PPP1R9A: variants seen among roughly 807,000 people sequenced by gnomAD.
The protein encoded by PPP1R9A is neurabin-1.
In PPP1R9A, 59 loss-of-function variants were observed where a neutral mutation model predicts 141.9. The observed-to-expected ratio is 0.42, with a 90% CI of 0.34 to 0.52. PPP1R9A has a LOEUF of 0.52. PPP1R9A is among the 20% of genes least tolerant of loss of function. The probability of loss-of-function intolerance (pLI) is 0.10; values close to 1 mark genes in which losing one functional copy is unlikely to be tolerated. For synonymous variants in PPP1R9A, 500 were observed against 569.7 expected, an observed-to-expected ratio of 0.88 and a Z score of 1.74; for missense variants, 1,444 against 1,611.9, an observed-to-expected ratio of 0.90 and a Z score of 1.78.
intron 2 of PPP1R9A, among the ~76,000 whole-genome samples, chr7:94,914,172 T>C (rs927971597): frequency 3.3e-5 from 5 of 152,210 alleles, no homozygotes; most frequent in Admixed American, 1.3e-4. Flanking sequence ...TTTAAATAAA[T>C]GATTTTTAGA....
At chr7:95,286,351 C>T (rs1805322754) in intron 18 of PPP1R9A, 26 bp downstream of exon 18, 2 of 1,609,360 alleles carry the variant, frequency 1.2e-6, no homozygotes, top group Non-Finnish European at 8.5e-7. Flanking sequence ...TATGACAGAG[C>T]TGCTTTGTCA....
intron 2 of PPP1R9A, among the ~76,000 whole-genome samples, chr7:94,997,714 C>T (rs764744341): frequency 2.6e-4 from 40 of 152,114 alleles, no homozygotes; most frequent in Non-Finnish European, 5.4e-4. Flanking sequence ...TAGCTATTGG[C>T]GTAAGGGGCC....
intron 5 of PPP1R9A, among the ~76,000 whole-genome samples, chr7:95,167,733 A>G (rs1358557122): frequency 6.6e-6 from 1 of 152,174 alleles, no homozygotes; most frequent in African/African-American, 2.4e-5. Flanking sequence ...GCATACAGAA[A>G]ATAAGTGCTG....
intron 12 of PPP1R9A, among the ~76,000 whole-genome samples, chr7:95,256,992 AATCTATAT>A (rs1164879089): frequency 6.6e-6 from 1 of 152,188 alleles, no homozygotes; most frequent in Non-Finnish European, 1.5e-5. Context: ...ATGCAAAATT[AATCTATAT>A]ATCCCATGCA....
At position 95,287,218 on chromosome 7, in the gene PPP1R9A, C is replaced by G. The variant is rs1805516983; in HGVS notation, c.3729+893C>G. ...CGCTCTTTGGAGATGACTGAAAAAT[C>G]AGACAATACAAGAATATCTTCCTCT... On this transcript the variant is annotated intron_variant, in intron 18 of 19. Coordinates refer to ENST00000433360, the MANE Select transcript of PPP1R9A (RefSeq NM_001166160.2). The G allele has an allele frequency of 2.7e-6, 4 of 1,476,806 alleles. No homozygotes were observed. In the South Asian group the frequency reaches 4.5e-5, roughly 17 times the overall value. The allele number at this position is 1,476,806 out of a possible 1,614,324, so 91.5% of individuals were successfully genotyped here.
intron 2 of PPP1R9A, among the ~76,000 whole-genome samples, chr7:95,012,491 C>G (rs1405106585): frequency 6.6e-6 from 1 of 152,134 alleles, no homozygotes; most frequent in African/African-American, 2.4e-5. Flanking sequence ...TGGGCAGGGA[C>G]ACAGATCCAA....
intron 4 of PPP1R9A, among the ~76,000 whole-genome samples, chr7:95,159,308 A>C (rs953574940): frequency 1.3e-5 from 2 of 152,266 alleles, no homozygotes; most frequent in African/African-American, 4.8e-5. Context: ...GGTATACATC[A>C]TAATTTTTGA....
intron 2 of PPP1R9A, among the ~76,000 whole-genome samples, chr7:95,005,024 GA>G (rs747597317): frequency 6.6e-6 from 1 of 152,222 alleles, no homozygotes; most frequent in East Asian, 1.9e-4. Context: ...ATTTTTCATG[GA>G]AAAACTATAT....
At chr7:95,238,108 A>G (rs1464700460) in intron 8 of PPP1R9A, among the ~76,000 whole-genome samples, 1 of 152,172 alleles carries the variant, frequency 6.6e-6, no homozygotes, top group Non-Finnish European at 1.5e-5. Context: ...AATAATACCC[A>G]TAGCATACCA....
intron 7 of PPP1R9A, among the ~76,000 whole-genome samples, chr7:95,220,960 G>C (rs957082527): frequency 2.0e-5 from 3 of 151,924 alleles, no homozygotes; most frequent in African/African-American, 7.3e-5. Context: ...CCCCAAACTG[G>C]GAATATAAGT....
chr7:95,168,850 A>G (rs141739309), intron 5 of PPP1R9A, among the ~76,000 whole-genome samples: 2 of 152,156 alleles, frequency 1.3e-5, no homozygotes, highest in East Asian at 1.9e-4. Context: ...GCTTACCCCA[A>G]TTAGAATGGC....
chr7:95,110,580 T>C (rs1035943195), intron 2 of PPP1R9A, among the ~76,000 whole-genome samples: 5 of 152,218 alleles, frequency 3.3e-5, no homozygotes, highest in African/African-American at 1.2e-4. Context: ...ACAATCAAGT[T>C]TCTTATGGCT....
At chr7:94,926,336 C>A (rs1793487218) in intron 2 of PPP1R9A, among the ~76,000 whole-genome samples, 1 of 152,074 alleles carries the variant, frequency 6.6e-6, no homozygotes, top group Non-Finnish European at 1.5e-5. Flanking sequence ...TAACCACAGT[C>A]ATTAAAATAT....
intron 7 of PPP1R9A, among the ~76,000 whole-genome samples, chr7:95,216,344 T>C (rs1337437916): frequency 6.6e-6 from 1 of 152,332 alleles, no homozygotes; most frequent in Non-Finnish European, 1.5e-5. Context: ...TTGGCACCAG[T>C]ACCATGCTGT....
intron 2 of PPP1R9A, among the ~76,000 whole-genome samples, chr7:95,006,534 A>G (rs1188616287): frequency 6.6e-6 from 1 of 152,008 alleles, no homozygotes; most frequent in African/African-American, 2.4e-5. Context: ...ATGCTTGTTT[A>G]TATAAGAAGA....
In PPP1R9A at chr7:95,273,969, G is replaced by C; in HGVS notation, c.3195G>C (p.Arg1065=). 1.3e-6 allele frequency: 2 copies of C among 1,504,586 alleles called. No individual in the cohort carries two copies. Among genetic ancestry groups the C allele is most frequent in the Non-Finnish European group, 1.8e-6 (2 of 1,094,902 alleles). The allele number at this position is 1,504,586 out of a possible 1,614,324, so 93.2% of individuals were successfully genotyped here. The change falls in exon 15 of 20, where the codon CGG becomes CGC. Residue 1065 remains arginine (R), a synonymous_variant. Transcript: ENST00000433360. ...CGGTGCAAGGAGGAAAAATTAAGCG[G>C]AAGTTTGTGGATCTGGGGTAAGCAC... ...SLAVQGGKIK[R]KFVDLGAPLR...
chr7:95,149,530 A>G (rs567750298), intron 4 of PPP1R9A, among the ~76,000 whole-genome samples: 1 of 152,204 alleles, frequency 6.6e-6, no homozygotes, highest in East Asian at 1.9e-4. Context: ...GCAAGGTTTC[A>G]GAATACAAGC....
At chr7:95,165,352 C>T (rs1366156335) in intron 5 of PPP1R9A, among the ~76,000 whole-genome samples, 1 of 152,214 alleles carries the variant, frequency 6.6e-6, no homozygotes, top group African/African-American at 2.4e-5. Flanking sequence ...GCTGCCATAT[C>T]AGGAGGCTTT....
At chr7:95,231,555 C>T (rs1461079842) in intron 8 of PPP1R9A, among the ~76,000 whole-genome samples, 1 of 151,992 alleles carries the variant, frequency 6.6e-6, no homozygotes, top group Admixed American at 6.6e-5. Context: ...TTCTCTAAGA[C>T]CACAGTGAAA....
Sources: allele counts gnomAD v4.1 joint callset (sites outside exome capture counted in the v4.1 genomes callset), GRCh38; gene constraint gnomAD v4.1.1; transcripts MANE v1.5; gene names NCBI Gene and HGNC (gene_info 2026-07-23, HGNC 2026-07-21).